CPED1: variants seen among roughly 807,000 people sequenced by gnomAD.
The protein encoded by CPED1 is cadherin-like and PC-esterase domain-containing protein 1.
In CPED1, 114 loss-of-function variants were observed where a neutral mutation model predicts 128.2. The observed-to-expected ratio is 0.89, with a 90% CI of 0.76 to 1.04. The LOEUF (loss-of-function observed/expected upper bound fraction) is 1.04, where lower values mean the gene tolerates loss of function less well. Among genes scored for constraint, CPED1 ranks in the 50% least tolerant of loss-of-function variants. CPED1 has a pLI of 0.00. For missense variants in CPED1, 1,211 were observed against 1,207.1 expected, an observed-to-expected ratio of 1.00 and a Z score of -0.05; for synonymous variants, 462 against 426.7, an observed-to-expected ratio of 1.08 and a Z score of -1.02.
At chr7:121,136,494 T>C (rs1176041818) in intron 14 of CPED1, among the ~76,000 whole-genome samples, 1 of 152,116 alleles carries the variant, frequency 6.6e-6, no homozygotes, top group Non-Finnish European at 1.5e-5. Context: ...TTGTAACAGT[T>C]GAGAGTTTTT....
chr7:121,199,625 C>T (rs1797343504), intron 16 of CPED1, among the ~76,000 whole-genome samples: 1 of 132,894 alleles, frequency 7.5e-6, no homozygotes, highest in Admixed American at 8.6e-5. Context: ...TGCAGTGATC[C>T]GAGATCATGC....
chr7:121,242,597 GTATT>G (rs1798422412), intron 17 of CPED1, among the ~76,000 whole-genome samples: 1 of 152,078 alleles, frequency 6.6e-6, no homozygotes, highest in African/African-American at 2.4e-5. Flanking sequence ...TGCATAGAAA[GTATT>G]TAGTAGATAG....
intron 21 of CPED1, among the ~76,000 whole-genome samples, chr7:121,268,510 AGG>A (rs998806696): frequency 2.0e-5 from 3 of 152,110 alleles, no homozygotes; most frequent in African/African-American, 7.2e-5. Context: ...AAAAAGGAAA[AGG>A]GGGATAATTG....
At chr7:121,012,253 T>C (rs1159967862) in intron 2 of CPED1, among the ~76,000 whole-genome samples, 2 of 152,208 alleles carry the variant, frequency 1.3e-5, no homozygotes, top group Admixed American at 1.3e-4. Flanking sequence ...ATCCTTTCAG[T>C]AAAAATAAAA....
chr7:121,196,012 G>A (rs1212444963), intron 16 of CPED1, among the ~76,000 whole-genome samples: 4 of 152,020 alleles, frequency 2.6e-5, no homozygotes, highest in Non-Finnish European at 5.9e-5. Flanking sequence ...GCCGGGGGGA[G>A]ATGGTGTTTA....
intron 7 of CPED1, among the ~76,000 whole-genome samples, chr7:121,119,322 C>T (rs1455533886): frequency 6.6e-6 from 1 of 150,700 alleles, no homozygotes; most frequent in African/African-American, 2.4e-5. Context: ...CTCCGCCTCC[C>T]GGGTTCAAGT....
At chr7:121,130,034 T>C in intron 11 of CPED1, 91 bp from the exon 12 acceptor site, 2 of 1,079,236 alleles carry the variant, frequency 1.9e-6, no homozygotes, top group Non-Finnish European at 2.7e-6. Context: ...TATCTGACTT[T>C]TTAAATAAAT....
intron 18 of CPED1, among the ~76,000 whole-genome samples, chr7:121,256,172 A>C (rs999374509): frequency 3.3e-5 from 5 of 151,068 alleles, no homozygotes; most frequent in African/African-American, 1.2e-4. Context: ...TAACTACCCA[A>C]CTTCAAACTA....
intron 7 of CPED1, among the ~76,000 whole-genome samples, chr7:121,105,639 T>G (rs927854419): frequency 2.0e-5 from 3 of 152,142 alleles, no homozygotes; most frequent in East Asian, 1.9e-4. Flanking sequence ...TATGATTTTA[T>G]ATAAATAGAA....
At chr7:121,019,513 T>C (rs1792384207) in intron 3 of CPED1, among the ~76,000 whole-genome samples, 2 of 152,060 alleles carry the variant, frequency 1.3e-5, no homozygotes, top group African/African-American at 4.8e-5. Context: ...AGCACTGTTC[T>C]GAGGGACATA....
chr7:121,158,834 C>A (rs1796348686), intron 16 of CPED1, among the ~76,000 whole-genome samples: 1 of 152,058 alleles, frequency 6.6e-6, no homozygotes, highest in African/African-American at 2.4e-5. Context: ...TTAGACACTT[C>A]CATGTGTAAC....
At chr7:121,085,869 C>G (rs920301014) in intron 5 of CPED1, among the ~76,000 whole-genome samples, 2 of 152,102 alleles carry the variant, frequency 1.3e-5, no homozygotes, top group Admixed American at 1.3e-4. Context: ...GTTTAGTACC[C>G]CTGGGTTTTA....
intron 6 of CPED1, among the ~76,000 whole-genome samples, chr7:121,099,568 C>T (rs1366583241): frequency 6.6e-6 from 1 of 152,136 alleles, no homozygotes; most frequent in Non-Finnish European, 1.5e-5. Flanking sequence ...GGGTTTCACC[C>T]TGTTGGCCAG....
intron 2 of CPED1, among the ~76,000 whole-genome samples, chr7:120,997,099 A>G (rs985922806): frequency 6.6e-6 from 1 of 152,230 alleles, no homozygotes; most frequent in African/African-American, 2.4e-5. Flanking sequence ...GCTCTACTCA[A>G]TACCTCTAGA....
intron 3 of CPED1, among the ~76,000 whole-genome samples, chr7:121,033,958 C>T (rs1792807253): frequency 6.6e-6 from 1 of 152,068 alleles, no homozygotes; most frequent in Admixed American, 6.6e-5. Context: ...CAATGTTAAC[C>T]CAGATATGAT....
chr7:121,261,829 G>GCTTA, intron 18 of CPED1: 1 of 1,078,712 alleles, frequency 9.3e-7, no homozygotes, highest in Non-Finnish European at 1.4e-6. Flanking sequence ...CTGTTACAGT[G>GCTTA]CTTAGCTTAT....
At chr7:121,096,053 G>A (rs909625344) in intron 5 of CPED1, among the ~76,000 whole-genome samples, 19 of 151,976 alleles carry the variant, frequency 1.3e-4, no homozygotes, top group African/African-American at 3.9e-4. Context: ...AAATTGAAAG[G>A]CTTACATAAA....
chr7:121,184,287 A>C (rs1319647869), intron 16 of CPED1, among the ~76,000 whole-genome samples: 1 of 152,178 alleles, frequency 6.6e-6, no homozygotes, highest in African/African-American at 2.4e-5. Context: ...AAAAGGGGAA[A>C]AGAGTGTCTT....
intron 3 of CPED1, among the ~76,000 whole-genome samples, chr7:121,019,030 C>T (rs1792373154): frequency 6.6e-6 from 1 of 151,930 alleles, no homozygotes; most frequent in African/African-American, 2.4e-5. Context: ...AAATACTCCA[C>T]TATTAAATAT....
Sources: allele counts gnomAD v4.1 joint callset (sites outside exome capture counted in the v4.1 genomes callset), GRCh38; gene constraint gnomAD v4.1.1; transcripts MANE v1.5; gene names NCBI Gene and HGNC (gene_info 2026-07-23, HGNC 2026-07-21).